The following TAFA5 variants were observed in gnomAD, a reference collection of about 807,000 sequenced individuals.
TAFA5 encodes the protein TAFA chemokine like family member 5, also known as chemokine-like protein TAFA-5.
A neutral mutation model predicts 15.3 loss-of-function variants in TAFA5; 6 were observed. That is an observed-to-expected ratio of 0.39 (90% confidence interval 0.21 to 0.77). The LOEUF (loss-of-function observed/expected upper bound fraction) is 0.77, where lower values mean the gene tolerates loss of function less well. TAFA5 is among the 30% of genes least tolerant of loss of function. The pLI is 0.41. For missense variants in TAFA5, 161 were observed against 193.1 expected (o/e 0.83, Z 0.98); for synonymous variants, 103 against 80.7 (o/e 1.28, Z -1.48).
chr22:48,655,031 A>G (rs530822423), intron 2 of TAFA5, among the ~76,000 whole-genome samples: 1 of 152,290 alleles, frequency 6.6e-6, no homozygotes, highest in South Asian at 2.1e-4. Flanking sequence ...GTGGCAATCC[A>G]GGAAGGCTTC....
chr22:48,720,389 G>A (rs1049921479), intron 3 of TAFA5, among the ~76,000 whole-genome samples: 6 of 152,116 alleles, frequency 3.9e-5, no homozygotes, highest in Non-Finnish European at 8.8e-5. Flanking sequence ...AACATCTCAG[G>A]GACACCCCTC....
intron 1 of TAFA5, among the ~76,000 whole-genome samples, chr22:48,583,274 C>T (rs1924163338): frequency 6.7e-6 from 1 of 150,084 alleles, no homozygotes; most frequent in South Asian, 2.1e-4. Context: ...ACACACCACA[C>T]ACCACACACA....
chr22:48,552,982 A>T lies in TAFA5; in HGVS notation c.112+63278A>T, dbSNP rs1922909722. On this transcript the variant is annotated intron_variant, in intron 1 of 3. Coordinates refer to ENST00000402357, the MANE Select transcript of TAFA5 (RefSeq NM_001082967.3). This position sits in a 1 kb window ranked among gnomAD's most constrained non-coding sequence, Gnocchi z 4.1. ...GGGGCTCGTCCCCAACCACCTGGTC[A>T]CAGGCAGAGATTGGTCTGCCTACTG... Among the ~76,000 whole-genome samples the T allele has an allele frequency of 6.6e-6, 1 of 152,112 alleles. No individual in the cohort carries two copies. The highest frequency in any genetic ancestry group is 1.5e-5 in the Non-Finnish European group (1 of 68,002).
At chr22:48,716,225 A>T (rs571038893) in intron 3 of TAFA5, among the ~76,000 whole-genome samples, 1 of 152,324 alleles carries the variant, frequency 6.6e-6, no homozygotes, top group East Asian at 1.9e-4. Context: ...ACACATATGT[A>T]TATTGCAGCA....
Position 48,649,008 on chromosome 22 carries a change from G to T in TAFA5, c.262+2262G>T, listed in dbSNP as rs147952824. Among the ~76,000 whole-genome samples the T allele has an allele frequency of 3.8e-3, 586 of 152,296 alleles. 8 individuals carry two copies. Among genetic ancestry groups the T allele is most frequent in the African/African-American group, 0.013 (557 of 41,562 alleles). On this transcript the variant is annotated intron_variant, in intron 2 of 3. Coordinates refer to ENST00000402357, the MANE Select transcript of TAFA5 (RefSeq NM_001082967.3). ...CTCCCTCTGGGTGTCTCATTGATGA[G>T]CGTGTCCTAAGACTGTGCAGGAACA...
chr22:48,693,440 T>G (rs1928604812), intron 2 of TAFA5: 1 of 1,605,252 alleles, frequency 6.2e-7, no homozygotes, highest in Admixed American at 1.7e-5. Flanking sequence ...AAGGAGGGAC[T>G]GCGACTCTTG....
intron 1 of TAFA5, among the ~76,000 whole-genome samples, chr22:48,626,367 G>C (rs1298884961): frequency 6.6e-6 from 1 of 152,116 alleles, no homozygotes; most frequent in East Asian, 1.9e-4. Flanking sequence ...GGTATTTTTT[G>C]ATTTTTGGAA....
intron 1 of TAFA5, among the ~76,000 whole-genome samples, chr22:48,635,644 G>C (rs1601631993): frequency 6.6e-6 from 1 of 152,234 alleles, no homozygotes; most frequent in African/African-American, 2.4e-5. Context: ...CCCATGCTCA[G>C]TCCTGGCCTG....
intron 1 of TAFA5, chr22:48,539,340 A>G: frequency 2.1e-6 from 1 of 470,954 alleles, no homozygotes; most frequent in Non-Finnish European, 4.4e-6. Context: ...CCGATACCCT[A>G]ATAGGACATG....
chr22:48,493,724 C>T (rs540145991), intron 1 of TAFA5, among the ~76,000 whole-genome samples: 3 of 152,248 alleles, frequency 2.0e-5, no homozygotes, highest in African/African-American at 7.2e-5. Context: ...TTCTTTTAGC[C>T]GACATCCATG....
chr22:48,707,129 G>A (rs888013818), intron 2 of TAFA5, among the ~76,000 whole-genome samples: 4 of 152,092 alleles, frequency 2.6e-5, no homozygotes, highest in African/African-American at 9.7e-5. Context: ...CTGGTGCTGG[G>A]CCGGCCCCAG....
intron 1 of TAFA5, among the ~76,000 whole-genome samples, chr22:48,602,296 C>T (rs906134932): frequency 6.6e-6 from 1 of 152,216 alleles, no homozygotes; most frequent in Non-Finnish European, 1.5e-5. Flanking sequence ...CGGGGCCACC[C>T]CCCCACAAGC....
At chr22:48,693,139 G>A (rs1928595683) in intron 2 of TAFA5, 4 of 707,760 alleles carry the variant, frequency 5.7e-6, no homozygotes, top group South Asian at 3.7e-5. Flanking sequence ...CGCAGGACGT[G>A]ACCTCGAGTC....
intron 1 of TAFA5, among the ~76,000 whole-genome samples, chr22:48,491,816 G>A (rs942080968): frequency 1.3e-5 from 2 of 152,244 alleles, no homozygotes; most frequent in Non-Finnish European, 2.9e-5. Flanking sequence ...CTGAGGATGG[G>A]AGATCTGGTT....
At chr22:48,719,835 G>A (rs908940952) in intron 3 of TAFA5, among the ~76,000 whole-genome samples, 11 of 152,158 alleles carry the variant, frequency 7.2e-5, no homozygotes, top group African/African-American at 1.9e-4. Context: ...AAACAAAAAC[G>A]TATATGGCCG....
chr22:48,744,583 C>A (rs1029795453), intron 3 of TAFA5, among the ~76,000 whole-genome samples: 1 of 152,138 alleles, frequency 6.6e-6, no homozygotes, highest in Non-Finnish European at 1.5e-5. Context: ...GGGCACTCGG[C>A]AAAGTCGCTC....
chr22:48,595,517 G>C (rs1193594051), intron 1 of TAFA5, among the ~76,000 whole-genome samples: 3 of 152,246 alleles, frequency 2.0e-5, no homozygotes, highest in Admixed American at 2.0e-4. Flanking sequence ...AAGAGCCCAG[G>C]TCTCGTCTCT....
At position 48,517,598 on chromosome 22, in the gene TAFA5, C is replaced by T. The variant is rs143704198; in HGVS notation, c.112+27894C>T. Among the ~76,000 whole-genome samples the T allele has an allele frequency of 7.6e-3, 1,158 of 152,316 alleles. 4 individuals carry two copies. The highest frequency in any genetic ancestry group is 0.014 in the Admixed American group (219 of 15,312). On this transcript the variant is annotated intron_variant, in intron 1 of 3. Transcript: ENST00000402357. Reference sequence around the variant, plus strand: ...ATCCTGGGCTGCTCTGTCCCGCGTACGGGCATCCGGGTTCTGATAGCCCGC... The same window carrying T: ...ATCCTGGGCTGCTCTGTCCCGCGTATGGGCATCCGGGTTCTGATAGCCCGC...
rs372574888 is a variant in TAFA5 at position 48,743,262 on chromosome 22, C to T, written c.391-6577C>T. ...GTCTGTGGTCACGGTGTCTGCTGGG[C>T]CGTGCTCCCTTGGGAGGCTCCAGCA... On this transcript the variant is annotated intron_variant, in intron 3 of 3. Coordinates refer to ENST00000402357, the MANE Select transcript of TAFA5 (RefSeq NM_001082967.3). 2.7e-4 allele frequency among the ~76,000 whole-genome samples: 41 copies of T among 152,262 alleles called. 1 individual carries two copies. In the East Asian group the frequency reaches 5.0e-3, roughly 19 times the overall value.
Sources: allele counts gnomAD v4.1 joint callset (sites outside exome capture counted in the v4.1 genomes callset), GRCh38; gene constraint gnomAD v4.1.1; non-coding constraint Gnocchi (gnomAD v3.1); transcripts MANE v1.5; gene names NCBI Gene and HGNC (gene_info 2026-07-23, HGNC 2026-07-21).